Variants in NPHS1 observed in about 807,000 individuals in gnomAD.
The protein encoded by NPHS1 is nephrin.
NPHS1 carries 107 observed loss-of-function variants against 139.7 expected under a neutral mutation model. The observed-to-expected ratio is 0.77, with a 90% CI of 0.66 to 0.90. The LOEUF is 0.90. Ranked by LOEUF, NPHS1 falls within the 40% of genes least tolerant of loss-of-function variation. The pLI is 0.00. For synonymous variants in NPHS1, 707 were observed against 706.6 expected, an observed-to-expected ratio of 1.00 and a Z score of -0.01; for missense variants, 1,580 against 1,654.2, an observed-to-expected ratio of 0.96 and a Z score of 0.78.
intron 20 of NPHS1, among the ~76,000 whole-genome samples, chr19:35,839,818 A>G (rs2146816848): frequency 6.7e-6 from 1 of 149,948 alleles, no homozygotes; most frequent in South Asian, 2.1e-4. Flanking sequence ...AGTCTGAAAG[A>G]TGCTTGAGCC....
chr19:35,843,736 G>C (rs1257204344), intron 16 of NPHS1, 143 bp from the exon 17 acceptor site: 2 of 1,058,012 alleles, frequency 1.9e-6, no homozygotes, highest in African/African-American at 1.6e-5. Context: ...CAAAGGGTTG[G>C]AGGAGAGTTC....
rs934821806 is a variant in NPHS1, at chr19:35,842,261, G to A, written c.2526C>T (p.His842=). The change falls in exon 19 of 29, where the codon CAC becomes CAT. Residue 842 remains histidine (H), a synonymous_variant. Transcript: ENST00000378910. The part of the protein sequence containing the change: ...LVVRFAPQVE[H]PTPLTKVAAA... ...CAGCCACCTTAGTTAGGGGAGTGGG[G>A]TGCTCCACCTGGGGGGCAACTGGGA... 9.9e-6 allele frequency: 16 copies of A among 1,612,948 alleles called. No individual in the cohort carries two copies. The highest frequency in any genetic ancestry group is 1.6e-4 in the Middle Eastern group (1 of 6,084).
At chr19:35,832,498 A>G (rs1972897633) in intron 23 of NPHS1, among the ~76,000 whole-genome samples, 2 of 152,062 alleles carry the variant, frequency 1.3e-5, no homozygotes, top group East Asian at 3.9e-4. Flanking sequence ...GAGCTATGAT[A>G]GCACCACTGC....
rs1410505572 is a variant in NPHS1, at chr19:35,844,418, C to A, written c.1972G>T (p.Ala658Ser). 1 of 1,603,182 alleles carries A rather than the reference C, an allele frequency of 6.2e-7. No homozygotes were observed. Among genetic ancestry groups the A allele is most frequent in the South Asian group, 1.1e-5 (1 of 89,430 alleles). The stretch of plus-strand genomic sequence containing the variant: ...AGCAACGCCTCGCCCTGCTCCACCG[C>A]GGTCACCACCAGCACCTGCTCCCCC... ...FLGEQVLVVT[A>S]VEQGEALLPV... The change falls in exon 15 of 29, where the codon GCG (alanine) becomes TCG (serine). Residue 658 changes from alanine to serine, a missense_variant. Transcript: ENST00000378910.
chr19:35,851,451 C>T lies in NPHS1; in HGVS notation c.274+6G>A. On this transcript the variant is annotated splice_donor_region_variant and intron_variant, in intron 2 of 28. Coordinates refer to ENST00000378910, the MANE Select transcript of NPHS1 (RefSeq NM_004646.4). ...TGGCTGAGGGTCTCAGGCTCTGATC[C>T]CTTACCTCTAGCAGGGTCCCCTTCC... 1 of 1,613,312 alleles carries T rather than the reference C, an allele frequency of 6.2e-7. No homozygotes were observed. The highest frequency in any genetic ancestry group is 8.5e-7 in the Non-Finnish European group (1 of 1,179,874).
intron 23 of NPHS1, among the ~76,000 whole-genome samples, chr19:35,834,157 G>C (rs148918424): frequency 9.6e-4 from 146 of 152,266 alleles, no homozygotes; most frequent in African/African-American, 3.4e-3. Flanking sequence ...ACTCTGTGTT[G>C]AGCCATGTGA....
rs1017715597 is a variant in NPHS1 at position 35,839,043 on chromosome 19, C to T, written c.3109+194G>A. On this transcript the variant is annotated intron_variant, in intron 22 of 28. Transcript: ENST00000378910. ...TTCAGATAGTATGGGTTGTGGTTAA[C>T]GGTTGGTCTCAAGTTCATCTGCCTG... 4.6e-5 allele frequency among the ~76,000 whole-genome samples: 7 copies of T among 152,144 alleles called. 1 individual carries two copies. The East Asian group carries it at 5.8e-4, about 13-fold the overall frequency.
chr19:35,831,012 G>T, intron 27 of NPHS1, 41 bp downstream of exon 27: 1 of 1,606,750 alleles, frequency 6.2e-7, no homozygotes, highest in Non-Finnish European at 8.5e-7. Context: ...GGCGTCGGGG[G>T]TACCTCTGAG....
Position 35,851,033 on chromosome 19 carries a change from C to T in NPHS1, c.454G>A (p.Ala152Thr), listed in dbSNP as rs1310071307. Residue 152 changes from alanine to threonine, a missense_variant, in exon 4 of 29, where the codon GCT (alanine) becomes ACT (threonine). Physicochemically the swap from Ala to Thr is moderately conservative, Grantham distance 58. Coordinates refer to ENST00000378910, the MANE Select transcript of NPHS1 (RefSeq NM_004646.4). ...CAGTTGACCACGTACTCCTGCCCAG[C>T]TACCCAGGTGACCATGGTGCCTGCC... Reference protein sequence around the residue: ...PEAGTMVTWVAGQEYVVNCVS... With the variant: ...PEAGTMVTWVTGQEYVVNCVS... 1.1e-5 allele frequency: 18 copies of T among 1,614,112 alleles called. No individual in the cohort carries two copies. The highest frequency in any genetic ancestry group is 1.4e-5 in the Non-Finnish European group (17 of 1,180,056).
intron 3 of NPHS1, 84 bp downstream of exon 3, chr19:35,851,178 G>T: frequency 1.2e-6 from 2 of 1,612,826 alleles, no homozygotes; most frequent in Non-Finnish European, 1.7e-6. Flanking sequence ...GAGAGGAGAG[G>T]CTGGGGGCTT....
chr19:35,837,643 C>T (rs1278606661), intron 22 of NPHS1, among the ~76,000 whole-genome samples: 1 of 151,696 alleles, frequency 6.6e-6, no homozygotes, highest in African/African-American at 2.4e-5. Flanking sequence ...GCTCTTGTTG[C>T]CCAGGCTGGA....
rs768225356 is a variant in NPHS1 at position 35,841,828 on chromosome 19, C to T, written c.2702G>A (p.Ser901Asn). ...EHTYHQGGVHSSLLTIANVSA... is the reference protein window; with the variant it reads ...EHTYHQGGVHNSLLTIANVSA... ...CACGTTGGCAATGGTCAGGAGGCTG[C>T]TGTGGACACCACCCTGGTGGTATGT... is the stretch of plus-strand genomic sequence containing the variant. The change falls in exon 20 of 29, where the codon AGC (serine) becomes AAC (asparagine). Residue 901 changes from serine to asparagine, a missense_variant. Transcript: ENST00000378910. The T allele has an allele frequency of 4.3e-6, 7 of 1,613,862 alleles. No homozygotes were observed. In the Admixed American group the frequency reaches 1.2e-4, roughly 27 times the overall value.
At chr19:35,828,268 CTTTTTCTTTTTT>C (rs1001290941) in intron 28 of NPHS1, among the ~76,000 whole-genome samples, 5 of 151,754 alleles carry the variant, frequency 3.3e-5, no homozygotes, top group Admixed American at 2.0e-4. Flanking sequence ...TTTTCTTTTT[CTTTTTCTTTTTT>C]TTTGAGACGG....
Position 35,849,077 on chromosome 19 carries a change from A to G in NPHS1, c.911T>C (p.Met304Thr). The change falls in exon 8 of 29, where the codon ATG becomes ACG. Residue 304 changes from methionine to threonine, a missense_variant. Met to Thr is a moderately conservative substitution (Grantham distance 81, BLOSUM62 -1). Transcript: ENST00000378910. ...TCCATGGTCTTCTGGCCTCACGGTCATCACCAGCACACTGCGGGCCACCGC... is the reference window on the plus strand; with the variant it reads ...TCCATGGTCTTCTGGCCTCACGGTCGTCACCAGCACACTGCGGGCCACCGC... ...TQAVARSVLV[M>T]TVRPEDHGAQ... is the part of the protein sequence containing the mutation. 6.2e-7 allele frequency: 1 copy of G among 1,610,696 alleles called. No homozygotes were observed. The highest frequency in any genetic ancestry group is 1.1e-5 in the South Asian group (1 of 91,084).
rs1568456335 is a variant in NPHS1 at position 35,849,304 on chromosome 19, C to A, written c.772G>T (p.Gly258Ter). ...PGLDEGHVRA[G>*]QSLELPCVAR... is the part of the protein sequence containing the mutation. The stretch of plus-strand genomic sequence containing the variant: ...ACGCACGGCAGCTCCAAGCTCTGTC[C>A]TGCCCGCACGTGCCCCTCATCCAGG... The change falls in exon 7 of 29, where the codon GGA becomes TGA. Residue 258 changes from glycine (G) to a stop codon, truncating the protein, a stop_gained. Transcript: ENST00000378910. LOFTEE classifies it high-confidence loss of function. 1 of 1,613,258 alleles carries A rather than the reference C, an allele frequency of 6.2e-7. No homozygotes were observed. The highest frequency in any genetic ancestry group is 2.2e-5 in the East Asian group (1 of 44,880).
chr19:35,843,306 G>A (rs910941143), intron 17 of NPHS1, among the ~76,000 whole-genome samples, 166 bp downstream of exon 17: 1 of 152,128 alleles, frequency 6.6e-6, no homozygotes, highest in Non-Finnish European at 1.5e-5. Flanking sequence ...ATTTATCCAT[G>A]CATTCATTTT....
intron 23 of NPHS1, among the ~76,000 whole-genome samples, chr19:35,834,062 C>T (rs551484469): frequency 1.7e-3 from 249 of 146,772 alleles, no homozygotes; most frequent in African/African-American, 6.4e-3. Context: ...ACCTTTTTCT[C>T]GGGCTCTGAA....
At chr19:35,835,593 G>A in intron 23 of NPHS1, 112 bp downstream of exon 23, 2 of 999,336 alleles carry the variant, frequency 2.0e-6, no homozygotes, top group Non-Finnish European at 3.2e-6. Context: ...ACTGAGCTTG[G>A]CCAGAACTAA....
rs770749626 is a variant in NPHS1 at position 35,848,625 on chromosome 19, C to T, written c.1170+12G>A. The stretch of plus-strand genomic sequence containing the variant: ...TCCATGCTCAGACCCAGGAGCCTGG[C>T]CCCCGCCTCACATCCATGACTGTCT... On this transcript the variant is annotated intron_variant, in intron 9 of 28. Transcript: ENST00000378910. The T allele has an allele frequency of 6.2e-7, 1 of 1,612,740 alleles. No individual in the cohort carries two copies. Among genetic ancestry groups the T allele is most frequent in the Non-Finnish European group, 8.5e-7 (1 of 1,179,914 alleles).
Sources: allele counts gnomAD v4.1 joint callset (sites outside exome capture counted in the v4.1 genomes callset), GRCh38; gene constraint gnomAD v4.1.1; transcripts MANE v1.5; gene names NCBI Gene and HGNC (gene_info 2026-07-23, HGNC 2026-07-21).